Variants in RAB3GAP2 observed in about 807,000 individuals in gnomAD.
The protein encoded by RAB3GAP2 is RAB3 GTPase activating non-catalytic protein subunit 2.
Under a neutral mutation model 185.3 loss-of-function variants are expected in RAB3GAP2, and 87 were observed. The observed-to-expected ratio is 0.47, with a 90% CI of 0.39 to 0.56. The LOEUF is 0.56. RAB3GAP2 is among the 20% of genes least tolerant of loss of function. The probability of loss-of-function intolerance (pLI) is 0.00; values close to 1 mark genes in which losing one functional copy is unlikely to be tolerated. For synonymous variants in RAB3GAP2, 554 were observed against 576.1 expected (o/e 0.96, Z 0.55); for missense variants, 1,492 against 1,638.2 (o/e 0.91, Z 1.54).
chr1:220,184,975 T>A (rs967310067), intron 18 of RAB3GAP2, among the ~76,000 whole-genome samples: 1 of 152,102 alleles, frequency 6.6e-6, no homozygotes, highest in African/African-American at 2.4e-5. Flanking sequence ...AATTTGTGTA[T>A]TAAGCCACTT....
At chr1:220,246,944 A>G (rs1035198777) in intron 1 of RAB3GAP2, among the ~76,000 whole-genome samples, 28 of 152,210 alleles carry the variant, frequency 1.8e-4, no homozygotes, top group African/African-American at 5.3e-4. Context: ...AAAGTGGGCA[A>G]AGCACATGAA....
chr1:220,223,981 G>A (rs1195059686), intron 2 of RAB3GAP2, among the ~76,000 whole-genome samples: 108 of 143,074 alleles, frequency 7.5e-4, no homozygotes, highest in Non-Finnish European at 1.1e-3. Context: ...ACTCCAACCT[G>A]GGTGACAAAG....
intron 21 of RAB3GAP2, among the ~76,000 whole-genome samples, chr1:220,176,549 T>C (rs1276759875): frequency 2.0e-5 from 3 of 152,180 alleles, no homozygotes; most frequent in South Asian, 2.1e-4. Context: ...CACTAGTGTT[T>C]TGGCAGAAAG....
chr1:220,214,946 T>A (rs202031710), intron 2 of RAB3GAP2, among the ~76,000 whole-genome samples: 7,121 of 89,636 alleles, frequency 0.079, 300 homozygotes, highest in Middle Eastern at 0.12. Context: ...AATAGTAGCA[T>A]TATATATATA....
intron 1 of RAB3GAP2, among the ~76,000 whole-genome samples, chr1:220,260,530 G>A (rs1427343101): frequency 6.6e-6 from 1 of 152,088 alleles, no homozygotes; most frequent in Non-Finnish European, 1.5e-5. Flanking sequence ...TGACTTATAA[G>A]TGGGAGCTGA....
chr1:220,155,607 G>A (rs1384868825), intron 31 of RAB3GAP2, among the ~76,000 whole-genome samples: 1 of 152,170 alleles, frequency 6.6e-6, no homozygotes, highest in Non-Finnish European at 1.5e-5. Context: ...ACAACCATGA[G>A]GCTGGCACTG....
intron 1 of RAB3GAP2, among the ~76,000 whole-genome samples, chr1:220,253,053 T>C (rs1231637920): frequency 6.6e-6 from 1 of 152,092 alleles, no homozygotes; most frequent in Non-Finnish European, 1.5e-5. Flanking sequence ...ATCTTTGTGG[T>C]TCGGTAGACT....
chr1:220,268,177 C>T (rs1211033938), intron 1 of RAB3GAP2, among the ~76,000 whole-genome samples: 1 of 152,180 alleles, frequency 6.6e-6, no homozygotes, highest in Non-Finnish European at 1.5e-5. Flanking sequence ...ATACCATCAG[C>T]AGTTTAAGTC....
At chr1:220,230,471 T>C (rs946220224) in intron 2 of RAB3GAP2, among the ~76,000 whole-genome samples, 2 of 152,220 alleles carry the variant, frequency 1.3e-5, no homozygotes, top group Non-Finnish European at 2.9e-5. Context: ...TTCCCTGAGC[T>C]GCATTTTATC....
chr1:220,214,931 A>T (rs1427110371), intron 2 of RAB3GAP2, among the ~76,000 whole-genome samples: 2 of 111,064 alleles, frequency 1.8e-5, no homozygotes, highest in African/African-American at 3.6e-5. Context: ...CCTTTTTCTT[A>T]CAAGAATAGT....
At chr1:220,259,259 G>A (rs1352801788) in intron 1 of RAB3GAP2, among the ~76,000 whole-genome samples, 3 of 152,032 alleles carry the variant, frequency 2.0e-5, no homozygotes, top group Non-Finnish European at 4.4e-5. Flanking sequence ...AACCAAATAA[G>A]AGCCCAAATA....
chr1:220,267,658 G>T (rs890692816), intron 1 of RAB3GAP2: 12 of 1,490,582 alleles, frequency 8.1e-6, no homozygotes, highest in South Asian at 6.8e-5. Context: ...CTGGAGGCAG[G>T]ATGAGGTACA....
intron 1 of RAB3GAP2, among the ~76,000 whole-genome samples, chr1:220,242,138 A>G (rs1424158361): frequency 1.3e-5 from 2 of 152,160 alleles, no homozygotes; most frequent in Admixed American, 6.5e-5. Context: ...ACACACAGAG[A>G]AAGTCTGATA....
At chr1:220,201,517 T>G (rs1005087350) in intron 9 of RAB3GAP2, among the ~76,000 whole-genome samples, 1 of 152,162 alleles carries the variant, frequency 6.6e-6, no homozygotes, top group Non-Finnish European at 1.5e-5. Context: ...TTTGCTTTCT[T>G]GAGACAGAGT....
intron 1 of RAB3GAP2, among the ~76,000 whole-genome samples, chr1:220,242,034 C>T (rs1232777256): frequency 6.6e-6 from 1 of 152,034 alleles, no homozygotes; most frequent in Non-Finnish European, 1.5e-5. Flanking sequence ...ACCTACTCTA[C>T]TATTTGAGTA....
rs1434181554 is a variant in RAB3GAP2 at position 220,189,558 on chromosome 1, G to A, written c.1779+145C>T. On this transcript the variant is annotated intron_variant, in intron 17 of 34. Coordinates refer to ENST00000358951, the MANE Select transcript of RAB3GAP2 (RefSeq NM_012414.4). ...AAAGAGACAACAGGAACTTCTATCT[G>A]AAAATAAAGAAAGGGATAAACAATA... is the stretch of plus-strand genomic sequence containing the variant. The A allele has an allele frequency of 5.7e-6, 4 of 699,532 alleles. No individual in the cohort carries two copies. In the African/African-American group the frequency reaches 7.6e-5, roughly 13 times the overall value. The allele number at this position is 699,532 out of a possible 1,614,324, so 43.3% of individuals were successfully genotyped here. A position where few individuals can be genotyped will look rare whatever the true frequency, so the allele number is the denominator to read the frequency against.
intron 21 of RAB3GAP2, among the ~76,000 whole-genome samples, chr1:220,175,879 T>C (rs955827680): frequency 1.3e-5 from 2 of 152,230 alleles, no homozygotes; most frequent in Non-Finnish European, 2.9e-5. Flanking sequence ...CTGTTTTCTA[T>C]AAACATTAAA....
chr1:220,213,731 TTGG>T, intron 3 of RAB3GAP2, 122 bp downstream of exon 3: 3 of 607,332 alleles, frequency 4.9e-6, no homozygotes, highest in Non-Finnish European at 7.1e-6. Context: ...GGAGGAGGAG[TTGG>T]GGGGGGGGGG....
At chr1:220,169,276 G>A (rs1287675453) in intron 24 of RAB3GAP2, among the ~76,000 whole-genome samples, 1 of 152,186 alleles carries the variant, frequency 6.6e-6, no homozygotes. Context: ...TAAAAGAGCT[G>A]CTGATAAAAA....
Sources: gnomAD v4.1 joint callset for allele counts (sites outside exome capture counted in the v4.1 genomes callset) on GRCh38, gnomAD v4.1.1 for gene constraint, MANE v1.5 for transcripts, NCBI Gene and HGNC (gene_info 2026-07-23, HGNC 2026-07-21) for gene names.